The following SHISA9 variants were observed in gnomAD, a reference collection of about 807,000 sequenced individuals.
SHISA9 encodes protein shisa-9.
A neutral mutation model predicts 38.0 loss-of-function variants in SHISA9; 13 were observed. The observed-to-expected ratio is 0.34, with a 90% confidence interval of 0.22 to 0.54. SHISA9 has a LOEUF of 0.54. Ranked by LOEUF, SHISA9 falls within the 20% of genes least tolerant of loss-of-function variation. The pLI is 0.91. For synonymous variants in SHISA9, 275 were observed against 242.0 expected, an observed-to-expected ratio of 1.14 and a Z score of -1.27; for missense variants, 538 against 575.8, an observed-to-expected ratio of 0.93 and a Z score of 0.67.
intron 2 of SHISA9, among the ~76,000 whole-genome samples, chr16:13,169,161 G>T (rs1162559087): frequency 6.6e-6 from 1 of 152,158 alleles, no homozygotes; most frequent in Non-Finnish European, 1.5e-5. Context: ...TCTTACAGTT[G>T]TCATGGGATC....
chr16:13,416,776 G>A, the SHISA9 span, among the ~76,000 whole-genome samples: 303 of 116,232 alleles, frequency 2.6e-3, 2 homozygotes, highest in East Asian at 3.1e-3. Flanking sequence ...GGAAGGAAGG[G>A]AAGGAAGGAA....
chr16:13,281,677 A>G, the SHISA9 span, among the ~76,000 whole-genome samples: 1 of 150,770 alleles, frequency 6.6e-6, no homozygotes, highest in Non-Finnish European at 1.5e-5. Context: ...TGATTGTTCT[A>G]GGTATATCAA....
the SHISA9 span, among the ~76,000 whole-genome samples, chr16:13,285,240 G>C: frequency 6.6e-6 from 1 of 151,994 alleles, no homozygotes; most frequent in Non-Finnish European, 1.5e-5. Context: ...ATTGTTAACT[G>C]TTTCCTTACA....
intron 2 of SHISA9, among the ~76,000 whole-genome samples, chr16:13,125,325 G>T (rs761402816): frequency 8.5e-5 from 13 of 152,164 alleles, no homozygotes; most frequent in Non-Finnish European, 1.9e-4. Context: ...AGACACCACT[G>T]ATTTTTCTGA....
the SHISA9 span, among the ~76,000 whole-genome samples, chr16:13,385,126 C>T: frequency 3.3e-5 from 5 of 152,090 alleles, no homozygotes; most frequent in South Asian, 6.2e-4. Context: ...CTATCAGAAT[C>T]GTTAAAATAA....
intron 2 of SHISA9, among the ~76,000 whole-genome samples, chr16:13,186,219 TTG>T (rs139364811): frequency 3.7e-4 from 56 of 149,450 alleles, no homozygotes; most frequent in East Asian, 1.6e-3. Context: ...AAGCACATTG[TTG>T]TGTGTGTGTG....
chr16:13,067,408 C>G (rs1159289494), intron 2 of SHISA9, among the ~76,000 whole-genome samples: 1 of 152,238 alleles, frequency 6.6e-6, no homozygotes, highest in Non-Finnish European at 1.5e-5. Context: ...CAAACAAGCT[C>G]TCCTCTCTGT....
intron 1 of SHISA9, chr16:12,908,963 C>T (rs1332996899): frequency 3.0e-6 from 3 of 998,594 alleles, no homozygotes; most frequent in Non-Finnish European, 3.6e-6. Context: ...GAACTGGCAC[C>T]CCTTGGAAAG....
the SHISA9 span, among the ~76,000 whole-genome samples, chr16:13,412,874 CAAAT>C: frequency 1.6e-4 from 24 of 151,796 alleles, no homozygotes; most frequent in African/African-American, 5.3e-4. Context: ...AAAAAACAAA[CAAAT>C]AAACAAACAA....
chr16:13,262,614 C>G, the SHISA9 span, among the ~76,000 whole-genome samples: 1 of 114,474 alleles, frequency 8.7e-6, no homozygotes, highest in East Asian at 2.7e-4. Flanking sequence ...AGTAAGTTCT[C>G]AAAAAAATTG....
intron 2 of SHISA9, among the ~76,000 whole-genome samples, chr16:13,199,988 T>G (rs1308446204): frequency 6.6e-6 from 1 of 152,144 alleles, no homozygotes. Flanking sequence ...GCTAACGAAT[T>G]AACATCTCCC....
chr16:12,943,318 TGTGTGTGTGTGTGAGAGAGAGAGAGAGA>T (rs2071641953), intron 2 of SHISA9, among the ~76,000 whole-genome samples: 6 of 26,418 alleles, frequency 2.3e-4, no homozygotes, highest in African/African-American at 7.5e-4. Context: ...TGTGTGTGTG[TGTGTGTGTGTGTGAGAGAGAGAGAGAGA>T]GAGAGAGAGA....
the SHISA9 span, among the ~76,000 whole-genome samples, chr16:13,475,893 C>T: frequency 6.6e-6 from 1 of 152,030 alleles, no homozygotes; most frequent in African/African-American, 2.4e-5. Flanking sequence ...GGTTCGTGCT[C>T]CTATGAGAAT....
At chr16:13,065,871 A>G (rs1239475115) in intron 2 of SHISA9, among the ~76,000 whole-genome samples, 2 of 152,200 alleles carry the variant, frequency 1.3e-5, no homozygotes, top group Non-Finnish European at 2.9e-5. Context: ...CCACAGCTCA[A>G]TTTGCAAGTC....
At chr16:13,463,298 A>G in the SHISA9 span, among the ~76,000 whole-genome samples, 8 of 152,212 alleles carry the variant, frequency 5.3e-5, no homozygotes, top group Non-Finnish European at 7.3e-5. Flanking sequence ...TGAGGATGGG[A>G]ACTAAGTAGC....
At chr16:12,966,219 T>C (rs2071976021) in intron 2 of SHISA9, among the ~76,000 whole-genome samples, 1 of 152,212 alleles carries the variant, frequency 6.6e-6, no homozygotes, top group African/African-American at 2.4e-5. Flanking sequence ...GATACTTCAC[T>C]TTCCTACATC....
At chr16:13,332,987 CT>C in the SHISA9 span, among the ~76,000 whole-genome samples, 1 of 152,146 alleles carries the variant, frequency 6.6e-6, no homozygotes, top group Non-Finnish European at 1.5e-5. Context: ...CTGCTTTTGT[CT>C]TTTAAAAATA....
chr16:13,359,328 A>T, the SHISA9 span, among the ~76,000 whole-genome samples: 14 of 151,906 alleles, frequency 9.2e-5, no homozygotes, highest in African/African-American at 3.1e-4. Flanking sequence ...TAAAAATACT[A>T]AAAAAATAGC....
chr16:12,911,799 G>C (rs1054806021), intron 1 of SHISA9: 12 of 151,058 alleles, frequency 7.9e-5, no homozygotes, highest in African/African-American at 2.9e-4. Context: ...GCTATCTTCA[G>C]GCTGTAGTTT....
Sources: gnomAD v4.1 joint callset for allele counts (sites outside exome capture counted in the v4.1 genomes callset) on GRCh38, gnomAD v4.1.1 for gene constraint, MANE v1.5 for transcripts, NCBI Gene and HGNC (gene_info 2026-07-23, HGNC 2026-07-21) for gene names.